Variants in GPR158 observed in about 807,000 individuals in gnomAD.
The protein encoded by GPR158 is G protein-coupled receptor 158, also known as metabotropic glycine receptor.
A neutral mutation model predicts 78.2 loss-of-function variants in GPR158; 30 were observed. The ratio of observed to expected loss-of-function variants is 0.38; its 90% CI spans 0.29 to 0.52. GPR158 has a LOEUF of 0.52. Among genes scored for constraint, GPR158 ranks in the 20% least tolerant of loss-of-function variants. The probability of loss-of-function intolerance (pLI) is 0.83; values close to 1 mark genes in which losing one functional copy is unlikely to be tolerated. For synonymous variants in GPR158, 581 were observed against 591.1 expected, an observed-to-expected ratio of 0.98 and a Z score of 0.25; for missense variants, 1,463 against 1,523.5, an observed-to-expected ratio of 0.96 and a Z score of 0.66.
intron 2 of GPR158, among the ~76,000 whole-genome samples, chr10:25,362,651 A>G (rs553254446): frequency 1.0e-3 from 159 of 152,044 alleles, no homozygotes; most frequent in African/African-American, 3.7e-3. Flanking sequence ...TTCAGTGTAC[A>G]AATCTTTAAC....
chr10:25,360,728 G>T (rs553653382), intron 2 of GPR158, among the ~76,000 whole-genome samples: 1 of 152,236 alleles, frequency 6.6e-6, no homozygotes, highest in African/African-American at 2.4e-5. Flanking sequence ...GCTCAGGATT[G>T]TCTTGGCTAT....
intron 2 of GPR158, among the ~76,000 whole-genome samples, chr10:25,274,437 T>G (rs1160725280): frequency 6.6e-6 from 1 of 152,212 alleles, no homozygotes; most frequent in Non-Finnish European, 1.5e-5. Context: ...GAAGATTAAT[T>G]TATATGTACT....
rs147324802 is a variant in GPR158 at position 25,406,649 on chromosome 10, A to G, written c.1112-5601A>G. ...ATTTAATAGGATTGCAGTATTTTCT[A>G]TAAAAAGTTGATTTATGAGTTACAA... On this transcript the variant is annotated intron_variant, in intron 3 of 10. Coordinates refer to ENST00000376351, the MANE Select transcript of GPR158 (RefSeq NM_020752.3). Among the ~76,000 whole-genome samples, 1,140 of 152,342 alleles carry G rather than the reference A, an allele frequency of 7.5e-3. 13 individuals are homozygous for G. The highest frequency in any genetic ancestry group is 0.026 in the African/African-American group (1,081 of 41,576).
At chr10:25,448,344 C>T (rs998835245) in intron 4 of GPR158, among the ~76,000 whole-genome samples, 5 of 152,086 alleles carry the variant, frequency 3.3e-5, no homozygotes, top group Non-Finnish European at 7.4e-5. Context: ...CCCACCTTGG[C>T]CTCCCAAAGT....
At chr10:25,513,135 A>G (rs1049533000) in intron 5 of GPR158, among the ~76,000 whole-genome samples, 1 of 150,544 alleles carries the variant, frequency 6.6e-6, no homozygotes, top group African/African-American at 2.4e-5. Context: ...TGAATGTCTG[A>G]TAGAATTCAG....
chr10:25,231,688 G>C (rs1298899752), intron 2 of GPR158, among the ~76,000 whole-genome samples: 1 of 152,198 alleles, frequency 6.6e-6, no homozygotes, highest in Non-Finnish European at 1.5e-5. Context: ...CCTACTCCTA[G>C]TAGAGAATTA....
intron 2 of GPR158, among the ~76,000 whole-genome samples, chr10:25,237,776 C>A (rs1218523675): frequency 6.6e-6 from 1 of 152,194 alleles, no homozygotes. Context: ...TTCTCCACAA[C>A]CAAACCACTA....
chr10:25,299,486 T>C (rs866178745), intron 2 of GPR158, among the ~76,000 whole-genome samples: 3 of 152,318 alleles, frequency 2.0e-5, no homozygotes, highest in Non-Finnish European at 4.4e-5. Context: ...AGTGAAATCA[T>C]ACGATTCTTT....
intron 2 of GPR158, among the ~76,000 whole-genome samples, chr10:25,334,295 A>G (rs894622276): frequency 5.3e-5 from 8 of 152,132 alleles, no homozygotes; most frequent in African/African-American, 1.7e-4. Flanking sequence ...TTTTGGATTT[A>G]AATGAAGAAT....
At chr10:25,333,938 G>A (rs1048941347) in intron 2 of GPR158, among the ~76,000 whole-genome samples, 2 of 152,166 alleles carry the variant, frequency 1.3e-5, no homozygotes, top group African/African-American at 4.8e-5. Flanking sequence ...AGACTCCTCC[G>A]TGTACTCTTG....
intron 4 of GPR158, among the ~76,000 whole-genome samples, chr10:25,423,870 C>T (rs1327301440): frequency 1.3e-5 from 2 of 152,048 alleles, no homozygotes; most frequent in Non-Finnish European, 2.9e-5. Flanking sequence ...TTTATAGTAA[C>T]ATGATTTATA....
At chr10:25,369,886 T>C (rs1297351102) in intron 2 of GPR158, among the ~76,000 whole-genome samples, 1 of 152,024 alleles carries the variant, frequency 6.6e-6, no homozygotes, top group African/African-American at 2.4e-5. Flanking sequence ...TCTTCCTGGT[T>C]TAGTCTTGGG....
chr10:25,317,716 G>GTTTTTTTTTTTTTTTTTTTTTT (rs756759445), intron 2 of GPR158, among the ~76,000 whole-genome samples: 33 of 134,056 alleles, frequency 2.5e-4, no homozygotes, highest in East Asian at 6.3e-4. Flanking sequence ...TTCGTAAAGT[G>GTTTTTTTTTTTTTTTTTTTTTT]TTTTTTTTTG....
intron 2 of GPR158, among the ~76,000 whole-genome samples, chr10:25,289,711 C>T (rs1015223238): frequency 9.9e-5 from 15 of 152,086 alleles, no homozygotes; most frequent in South Asian, 4.1e-4. Flanking sequence ...TGAGCCACCG[C>T]GCCCAGCCGA....
At chr10:25,402,331 G>A (rs1377011048) in intron 3 of GPR158, among the ~76,000 whole-genome samples, 2 of 152,042 alleles carry the variant, frequency 1.3e-5, no homozygotes, top group African/African-American at 4.8e-5. Context: ...AAGAAACATG[G>A]CAAGTAAATT....
intron 1 of GPR158, among the ~76,000 whole-genome samples, chr10:25,189,196 C>G (rs1221493721): frequency 6.6e-6 from 1 of 152,170 alleles, no homozygotes; most frequent in Non-Finnish European, 1.5e-5. Flanking sequence ...GGACAGTAAA[C>G]TAGTTCAACC....
chr10:25,433,063 C>A (rs1029875995), intron 4 of GPR158, among the ~76,000 whole-genome samples: 1 of 152,124 alleles, frequency 6.6e-6, no homozygotes. Flanking sequence ...TGGATATTAT[C>A]CTCATTTTAC....
intron 2 of GPR158, among the ~76,000 whole-genome samples, chr10:25,260,837 C>T (rs1036784809): frequency 3.3e-5 from 5 of 152,184 alleles, no homozygotes; most frequent in South Asian, 2.1e-4. Flanking sequence ...GCTTTCTATT[C>T]GTCTATGGCC....
intron 1 of GPR158, among the ~76,000 whole-genome samples, chr10:25,199,815 A>G (rs993219233): frequency 3.9e-5 from 6 of 152,184 alleles, no homozygotes; most frequent in African/African-American, 1.4e-4. Flanking sequence ...AAAATTGCCC[A>G]GTCTTGGGTA....
Sources: gnomAD v4.1 joint callset for allele counts (sites outside exome capture counted in the v4.1 genomes callset) on GRCh38, gnomAD v4.1.1 for gene constraint, MANE v1.5 for transcripts, NCBI Gene and HGNC (gene_info 2026-07-23, HGNC 2026-07-21) for gene names.